The following CPEB3 variants were observed in gnomAD, a reference collection of about 807,000 sequenced individuals.
CPEB3 encodes cytoplasmic polyadenylation element binding protein 3, also known as cytoplasmic polyadenylation element-binding protein 3.
CPEB3 carries 20 observed loss-of-function variants against 67.2 expected under a neutral mutation model. The ratio of observed to expected loss-of-function variants is 0.30; its 90% CI spans 0.21 to 0.43. The LOEUF (loss-of-function observed/expected upper bound fraction) is 0.43. Ranked by LOEUF, CPEB3 falls within the 20% of genes least tolerant of loss-of-function variation. CPEB3 has a pLI of 1.00. For synonymous variants in CPEB3, 376 were observed against 393.1 expected (o/e 0.96, Z 0.51); for missense variants, 746 against 968.6 (o/e 0.77, Z 3.05).
intron 4 of CPEB3, among the ~76,000 whole-genome samples, chr10:92,167,209 A>T (rs776644767): frequency 1.3e-5 from 2 of 152,196 alleles, no homozygotes; most frequent in Non-Finnish European, 2.9e-5. Context: ...AGCAACAATA[A>T]GACTATTTCG....
At chr10:92,131,856 T>C (rs1845856970) in intron 6 of CPEB3, among the ~76,000 whole-genome samples, 1 of 152,170 alleles carries the variant, frequency 6.6e-6, no homozygotes, top group Admixed American at 6.5e-5. Flanking sequence ...TCACAGGTCA[T>C]ACAAAAACAG....
intron 4 of CPEB3, among the ~76,000 whole-genome samples, chr10:92,148,301 T>A (rs1042723162): frequency 6.6e-6 from 1 of 152,174 alleles, no homozygotes; most frequent in Admixed American, 6.5e-5. Context: ...CGATTATTCC[T>A]CCTTGCTGCT....
intron 1 of CPEB3, among the ~76,000 whole-genome samples, chr10:92,262,572 C>A (rs931090774): frequency 3.9e-5 from 6 of 152,186 alleles, no homozygotes; most frequent in African/African-American, 1.4e-4. Context: ...TTTGGCAAGG[C>A]AAGGTAGCTC....
At chr10:92,260,554 A>G (rs1174411408) in intron 1 of CPEB3, among the ~76,000 whole-genome samples, 18 of 150,752 alleles carry the variant, frequency 1.2e-4, no homozygotes. Flanking sequence ...TCCTTCTCAA[A>G]AAAAAAAAAA....
At chr10:92,116,572 C>A (rs1845041176) in intron 6 of CPEB3, among the ~76,000 whole-genome samples, 1 of 151,802 alleles carries the variant, frequency 6.6e-6, no homozygotes, top group Non-Finnish European at 1.5e-5. Flanking sequence ...AAAAACTTGG[C>A]CAAAAAATTA....
chr10:92,066,369 T>G (rs1842547666), intron 9 of CPEB3, among the ~76,000 whole-genome samples: 2 of 151,920 alleles, frequency 1.3e-5, no homozygotes, highest in Admixed American at 1.3e-4. Context: ...AAGTCTAGCC[T>G]GAACAGCATC....
intron 4 of CPEB3, among the ~76,000 whole-genome samples, chr10:92,153,805 A>G (rs922033281): frequency 1.3e-5 from 2 of 152,196 alleles, no homozygotes; most frequent in African/African-American, 4.8e-5. Flanking sequence ...AAAAACAAAA[A>G]TATTGGCATA....
intron 4 of CPEB3, 72 bp downstream of exon 4, chr10:92,180,891 A>G (rs1198067090): frequency 7.2e-6 from 6 of 833,376 alleles, no homozygotes; most frequent in Non-Finnish European, 1.0e-5. Context: ...GTAACCAACA[A>G]TCAAGAATGT....
At chr10:92,204,775 TTAAA>T (rs998192415) in intron 2 of CPEB3, among the ~76,000 whole-genome samples, 2 of 151,880 alleles carry the variant, frequency 1.3e-5, no homozygotes, top group African/African-American at 4.8e-5. Flanking sequence ...TAAAATTGGA[TTAAA>T]TAACCAAAAT....
chr10:92,153,226 TG>T (rs1399278305), intron 4 of CPEB3, among the ~76,000 whole-genome samples: 1 of 152,242 alleles, frequency 6.6e-6, no homozygotes, highest in Non-Finnish European at 1.5e-5. Flanking sequence ...CTGGAATAGC[TG>T]ATCTCTCTTC....
At chr10:92,145,203 CA>C (rs1042650710) in intron 4 of CPEB3, 118 bp from the exon 5 acceptor site, 936 of 1,120,740 alleles carry the variant, frequency 8.4e-4, no homozygotes, top group Non-Finnish European at 9.4e-4. Flanking sequence ...GAGAAGCATA[CA>C]AAAAAAAAGG....
At chr10:92,090,912 A>C (rs768754005) in intron 8 of CPEB3, among the ~76,000 whole-genome samples, 1 of 152,244 alleles carries the variant, frequency 6.6e-6, no homozygotes, top group Non-Finnish European at 1.5e-5. Context: ...AATCAGAACA[A>C]ATATGTTTAA....
chr10:92,067,567 C>A (rs1236624366), intron 9 of CPEB3, among the ~76,000 whole-genome samples: 1 of 147,660 alleles, frequency 6.8e-6, no homozygotes, highest in Admixed American at 6.8e-5. Flanking sequence ...GCCTGTAATC[C>A]CTGCACTTTG....
intron 2 of CPEB3, among the ~76,000 whole-genome samples, chr10:92,238,018 G>T (rs971974687): frequency 6.6e-6 from 1 of 152,032 alleles, no homozygotes. Flanking sequence ...TCATGAATGG[G>T]AGCCACTCCA....
intron 3 of CPEB3, 69 bp from the exon 4 acceptor site, chr10:92,181,088 T>C (rs961898419): frequency 2.8e-5 from 23 of 823,314 alleles, no homozygotes; most frequent in South Asian, 5.9e-5. Context: ...TCTTAAAATA[T>C]AAACATTACA....
chr10:92,171,438 C>T (rs1052720023), intron 4 of CPEB3, among the ~76,000 whole-genome samples: 4 of 152,164 alleles, frequency 2.6e-5, no homozygotes, highest in Non-Finnish European at 4.4e-5. Flanking sequence ...CACCCTCCAC[C>T]CCCAACCAGA....
intron 4 of CPEB3, among the ~76,000 whole-genome samples, chr10:92,177,295 T>A (rs917260037): frequency 1.3e-5 from 2 of 152,232 alleles, no homozygotes; most frequent in African/African-American, 4.8e-5. Flanking sequence ...ATATATTACC[T>A]GATTAAGTAG....
intron 2 of CPEB3, among the ~76,000 whole-genome samples, chr10:92,215,739 CTTTTTT>C (rs373522649): frequency 6.0e-5 from 6 of 99,916 alleles, no homozygotes; most frequent in East Asian, 3.2e-4. Context: ...TGGCGCCTGG[CTTTTTT>C]TTTTTTTTTT....
chr10:92,265,566 G>A (rs779990499), intron 1 of CPEB3, among the ~76,000 whole-genome samples: 3 of 151,972 alleles, frequency 2.0e-5, no homozygotes, highest in South Asian at 2.1e-4. Context: ...AGACCAGCCC[G>A]GCCAACATGG....
Sources: allele counts gnomAD v4.1 joint callset (sites outside exome capture counted in the v4.1 genomes callset), GRCh38; gene constraint gnomAD v4.1.1; transcripts MANE v1.5; gene names NCBI Gene and HGNC (gene_info 2026-07-23, HGNC 2026-07-21).